The following PHLPP1 variants were observed in gnomAD, a reference collection of about 807,000 sequenced individuals.
PHLPP1 encodes PH domain leucine-rich repeat-containing protein phosphatase 1.
PHLPP1 carries 42 observed loss-of-function variants against 117.2 expected under a neutral mutation model. The ratio of observed to expected loss-of-function variants is 0.36; its 90% CI spans 0.28 to 0.46. The LOEUF (loss-of-function observed/expected upper bound fraction) is 0.46. Among genes scored for constraint, PHLPP1 ranks in the 20% least tolerant of loss-of-function variants. PHLPP1 has a pLI of 1.00. For missense variants in PHLPP1, 2,084 were observed against 2,241.9 expected (o/e 0.93, Z 1.42); for synonymous variants, 1,042 against 970.7 (o/e 1.07, Z -1.37).
intron 1 of PHLPP1, among the ~76,000 whole-genome samples, chr18:62,810,014 G>C (rs531041087): frequency 2.6e-5 from 4 of 152,192 alleles, no homozygotes; most frequent in Non-Finnish European, 5.9e-5. Flanking sequence ...GTCCATCTTC[G>C]TGGTTTTTAA....
At chr18:62,846,209 CAAAAAAAAAAAAA>C (rs34577472) in intron 3 of PHLPP1, among the ~76,000 whole-genome samples, 2 of 78,678 alleles carry the variant, frequency 2.5e-5, no homozygotes, top group Non-Finnish European at 4.7e-5. Context: ...AACTCCATCT[CAAAAAAAAAAAAA>C]AAAAAAAAAA....
At chr18:62,783,039 A>G (rs1441777555) in intron 1 of PHLPP1, among the ~76,000 whole-genome samples, 1 of 141,282 alleles carries the variant, frequency 7.1e-6, no homozygotes, top group Non-Finnish European at 1.6e-5. Flanking sequence ...AGAATCTTTA[A>G]ATAATTTAGG....
At chr18:62,950,689 A>C (rs1156878326) in intron 12 of PHLPP1, among the ~76,000 whole-genome samples, 1 of 152,224 alleles carries the variant, frequency 6.6e-6, no homozygotes, top group Admixed American at 6.5e-5. Flanking sequence ...TCAGCTTGGC[A>C]TAATGCATAT....
At chr18:62,891,751 G>T (rs1916415613) in intron 4 of PHLPP1, among the ~76,000 whole-genome samples, 1 of 150,486 alleles carries the variant, frequency 6.6e-6, no homozygotes, top group Non-Finnish European at 1.5e-5. Flanking sequence ...AAATTAGCTG[G>T]GTTTGGTGGT....
intron 16 of PHLPP1, among the ~76,000 whole-genome samples, chr18:62,977,899 AACC>A (rs763725815): frequency 3.9e-5 from 6 of 152,200 alleles, no homozygotes; most frequent in Non-Finnish European, 7.3e-5. Context: ...GGAAGATGTA[AACC>A]CATGTTTACA....
intron 10 of PHLPP1, among the ~76,000 whole-genome samples, chr18:62,920,910 C>T (rs814481): frequency 0.59 from 89,881 of 152,068 alleles, 26,787 homozygotes; most frequent in Middle Eastern, 0.69. Context: ...ATTAATTCCA[C>T]ATTCAATTCA....
At chr18:62,796,532 AG>A (rs1318867846) in intron 1 of PHLPP1, among the ~76,000 whole-genome samples, 1 of 152,246 alleles carries the variant, frequency 6.6e-6, no homozygotes, top group African/African-American at 2.4e-5. Flanking sequence ...CCAAGGTCCC[AG>A]GTCTTTTTGT....
At chr18:62,922,679 G>A (rs1909510936) in intron 10 of PHLPP1, among the ~76,000 whole-genome samples, 1 of 152,266 alleles carries the variant, frequency 6.6e-6, no homozygotes, top group East Asian at 1.9e-4. Flanking sequence ...TCTGAATCTG[G>A]CCAATTCTGG....
intron 1 of PHLPP1, among the ~76,000 whole-genome samples, chr18:62,817,847 CAGACTTTTTTTTTTTTTTTTTTTTTTG>C (rs1418045725): frequency 1.5e-5 from 2 of 133,842 alleles, no homozygotes; most frequent in Non-Finnish European, 3.1e-5. Flanking sequence ...AGAATGGCAA[CAGACTTTTTTTTTTTTTTTTTTTTTTG>C]AGACGGAATC....
rs189446463 is a variant in PHLPP1, at chr18:62,874,750, G to C, written c.2066+14149G>C. ...TTGCCATGTGGACACACTGGTGAAC[G>C]TAATGTGCACAGCTTTAGGATGTGG... is the stretch of plus-strand genomic sequence containing the variant. On this transcript the variant is annotated intron_variant, in intron 4 of 16. Transcript: ENST00000262719. 3.2e-4 allele frequency among the ~76,000 whole-genome samples: 48 copies of C among 152,214 alleles called. 1 individual carries two copies. The highest frequency in any genetic ancestry group is 3.1e-3 in the Admixed American group (48 of 15,294).
At chr18:62,886,498 C>T (rs993837455) in intron 4 of PHLPP1, among the ~76,000 whole-genome samples, 4 of 152,088 alleles carry the variant, frequency 2.6e-5, no homozygotes, top group African/African-American at 9.7e-5. Flanking sequence ...TGGTCTTGAG[C>T]TCCTGGCCTC....
chr18:62,915,124 T>A (rs1909228529), intron 9 of PHLPP1, 116 bp downstream of exon 9: 6 of 706,450 alleles, frequency 8.5e-6, no homozygotes, highest in Middle Eastern at 5.1e-4. Flanking sequence ...TAAAAACTAA[T>A]ATGGTGTCTT....
intron 13 of PHLPP1, 40 bp downstream of exon 13, chr18:62,958,799 A>G (rs369425373): frequency 6.2e-7 from 1 of 1,604,156 alleles, no homozygotes; most frequent in African/African-American, 1.3e-5. Context: ...ATCATTGTCC[A>G]CTGGCAATGG....
intron 2 of PHLPP1, chr18:62,837,617 C>CCTTCTTTCA (rs1914943249): frequency 6.6e-6 from 1 of 151,242 alleles, no homozygotes; most frequent in African/African-American, 2.4e-5. Flanking sequence ...TTTATCATAG[C>CCTTCTTTCA]CTTCTTTCAA....
chr18:62,819,257 A>T (rs1363571565), intron 1 of PHLPP1, among the ~76,000 whole-genome samples: 2 of 152,232 alleles, frequency 1.3e-5, no homozygotes, highest in Non-Finnish European at 2.9e-5. Flanking sequence ...GGTAATGGAA[A>T]TGGAAGTATA....
chr18:62,954,099 A>G (rs554154100), intron 12 of PHLPP1, among the ~76,000 whole-genome samples: 2 of 152,292 alleles, frequency 1.3e-5, no homozygotes, highest in Admixed American at 6.5e-5. Context: ...TTAAGATATA[A>G]TGACTTTTTT....
intron 6 of PHLPP1, among the ~76,000 whole-genome samples, chr18:62,899,625 C>T (rs928100834): frequency 6.6e-6 from 1 of 152,156 alleles, no homozygotes; most frequent in Non-Finnish European, 1.5e-5. Context: ...ATTGTGAAAT[C>T]TGTTGAAAAA....
At chr18:62,818,396 G>A (rs947462349) in intron 1 of PHLPP1, among the ~76,000 whole-genome samples, 4 of 152,036 alleles carry the variant, frequency 2.6e-5, no homozygotes, top group Non-Finnish European at 4.4e-5. Flanking sequence ...CTCTGGTGGC[G>A]GATGCCTGTA....
intron 1 of PHLPP1, among the ~76,000 whole-genome samples, chr18:62,818,484 C>T (rs1296855542): frequency 2.0e-5 from 3 of 152,126 alleles, no homozygotes; most frequent in East Asian, 1.9e-4. Context: ...GCCAAGATTG[C>T]GTCACTGCAC....
Sources: allele counts gnomAD v4.1 joint callset (sites outside exome capture counted in the v4.1 genomes callset), GRCh38; gene constraint gnomAD v4.1.1; transcripts MANE v1.5; gene names NCBI Gene and HGNC (gene_info 2026-07-23, HGNC 2026-07-21).